The following USP43 variants were observed in gnomAD, a reference collection of about 807,000 sequenced individuals.
USP43 encodes ubiquitin specific peptidase 43.
USP43 carries 33 observed loss-of-function variants against 90.7 expected under a neutral mutation model. The ratio of observed to expected loss-of-function variants is 0.36; its 90% confidence interval spans 0.28 to 0.49. The LOEUF (loss-of-function observed/expected upper bound fraction) is 0.49, where lower values mean the gene tolerates loss of function less well. Among genes scored for constraint, USP43 ranks in the 20% least tolerant of loss-of-function variants. The probability of loss-of-function intolerance (pLI) is 0.98; values close to 1 mark genes in which losing one functional copy is unlikely to be tolerated. For missense variants in USP43, 1,274 were observed against 1,476.4 expected (o/e 0.86, Z 2.25); for synonymous variants, 598 against 615.8 (o/e 0.97, Z 0.43).
intron 14 of USP43, among the ~76,000 whole-genome samples, chr17:9,727,721 T>G (rs928387856): frequency 6.6e-6 from 1 of 152,174 alleles, no homozygotes; most frequent in African/African-American, 2.4e-5. Context: ...TGTAGATACC[T>G]TCTTTGGCAC....
chr17:9,667,348 C>T (rs983251330), intron 3 of USP43, among the ~76,000 whole-genome samples: 2 of 151,224 alleles, frequency 1.3e-5, no homozygotes, highest in African/African-American at 4.9e-5. Context: ...GCCGTGATCG[C>T]ACCACTGTAC....
intron 12 of USP43, among the ~76,000 whole-genome samples, chr17:9,707,009 T>C: frequency 6.6e-6 from 1 of 152,128 alleles, no homozygotes; most frequent in East Asian, 1.9e-4. Context: ...CAACAATTGG[T>C]AACTTTCAAG....
rs372472057 is a variant in USP43, at chr17:9,700,336, G to A, written c.1535+87G>A. ...CCCTGGACGCAGCTTCCCCCAGCACGGCTGCAGGCAGGGTGCACACATCTT... is the reference window on the plus strand; with the variant it reads ...CCCTGGACGCAGCTTCCCCCAGCACAGCTGCAGGCAGGGTGCACACATCTT... On this transcript the variant is annotated intron_variant, in intron 10 of 14. Coordinates refer to ENST00000285199, the MANE Select transcript of USP43 (RefSeq NM_153210.5). The A allele has an allele frequency of 6.8e-6, 9 of 1,328,474 alleles. No homozygotes were observed. In the East Asian group the frequency reaches 7.6e-5, roughly 11 times the overall value. The allele number at this position is 1,328,474 out of a possible 1,614,324, so 82.3% of individuals were successfully genotyped here.
chr17:9,690,924 GTTT>G (rs1914906669), intron 8 of USP43, among the ~76,000 whole-genome samples: 1 of 152,014 alleles, frequency 6.6e-6, no homozygotes, highest in Non-Finnish European at 1.5e-5. Flanking sequence ...ACAATTCCAC[GTTT>G]TCTCCTCTGC....
In USP43 at chr17:9,709,783, G is replaced by A. The variant is rs1916082547; in HGVS notation, c.2012-173G>A. ...CACTTGTTATAGTAAGAATCCGAGG[G>A]TATAACTTACTGATCTTTTCTGATT... On this transcript the variant is annotated intron_variant, in intron 12 of 14. Coordinates refer to ENST00000285199, the MANE Select transcript of USP43 (RefSeq NM_153210.5). The surrounding 1 kb of genome is among the most constrained non-coding windows in gnomAD (Gnocchi z 5.0). 1.3e-5 allele frequency among the ~76,000 whole-genome samples: 2 copies of A among 152,022 alleles called. No homozygotes were observed. The highest frequency in any genetic ancestry group is 1.3e-4 in the Admixed American group (2 of 15,244).
intron 2 of USP43, among the ~76,000 whole-genome samples, chr17:9,664,603 T>G (rs1238506723): frequency 1.3e-5 from 2 of 152,068 alleles, no homozygotes; most frequent in African/African-American, 2.4e-5. Flanking sequence ...GAGGTGCTGC[T>G]CTAGGGCATA....
chr17:9,655,286 G>T (rs1478921135), intron 1 of USP43, among the ~76,000 whole-genome samples: 2 of 152,110 alleles, frequency 1.3e-5, no homozygotes, highest in Non-Finnish European at 2.9e-5. Context: ...GTGTGCATGT[G>T]CATGTGTGGA....
intron 9 of USP43, among the ~76,000 whole-genome samples, chr17:9,699,754 C>T (rs971522832): frequency 6.6e-6 from 1 of 152,122 alleles, no homozygotes; most frequent in Admixed American, 6.5e-5. Flanking sequence ...TGGAGGGGGG[C>T]TTAAAGGTGC....
At chr17:9,657,518 A>G (rs1461782502) in intron 2 of USP43, among the ~76,000 whole-genome samples, 2 of 152,086 alleles carry the variant, frequency 1.3e-5, no homozygotes, top group African/African-American at 4.8e-5. Context: ...AAGAAAAGAA[A>G]AAAAAGGAGA....
chr17:9,657,282 A>G (rs1204115495), intron 2 of USP43, among the ~76,000 whole-genome samples: 1 of 152,196 alleles, frequency 6.6e-6, no homozygotes, highest in African/African-American at 2.4e-5. Flanking sequence ...TGAGGCAGGT[A>G]GATCACTTGA....
intron 13 of USP43, among the ~76,000 whole-genome samples, chr17:9,711,699 G>A (rs1364599742): frequency 1.3e-5 from 2 of 152,148 alleles, no homozygotes; most frequent in Non-Finnish European, 2.9e-5. Flanking sequence ...CGTAAGTGCT[G>A]GCATTACAGG....
chr17:9,665,545 A>T (rs2151967738), intron 2 of USP43, among the ~76,000 whole-genome samples: 1 of 152,294 alleles, frequency 6.6e-6, no homozygotes, highest in East Asian at 1.9e-4. Flanking sequence ...AACCGCCCCC[A>T]TGATCCAATC....
At chr17:9,718,380 A>T (rs1308757614) in intron 14 of USP43, among the ~76,000 whole-genome samples, 1 of 152,204 alleles carries the variant, frequency 6.6e-6, no homozygotes, top group Admixed American at 6.5e-5. Context: ...TCTTAAAGCT[A>T]CAAGTGGTTT....
chr17:9,646,730 G>A (rs1212467525), intron 1 of USP43, among the ~76,000 whole-genome samples: 2 of 152,148 alleles, frequency 1.3e-5, no homozygotes, highest in African/African-American at 4.8e-5. Context: ...AGGAGGCAAC[G>A]GTAAAGAGTT....
intron 14 of USP43, among the ~76,000 whole-genome samples, chr17:9,715,532 CTG>C (rs1210819690): frequency 6.6e-6 from 1 of 150,724 alleles, no homozygotes; most frequent in South Asian, 2.1e-4. Context: ...GTGTGTATGT[CTG>C]TGTGTGTGTC....
chr17:9,716,914 T>A (rs1916601242), intron 14 of USP43, among the ~76,000 whole-genome samples: 3 of 152,096 alleles, frequency 2.0e-5, no homozygotes, highest in Non-Finnish European at 2.9e-5. Context: ...GGTGGGAGGA[T>A]CACCTGAGGT....
In USP43 at chr17:9,645,671, G is replaced by A; in HGVS notation, c.39G>A (p.Pro13=). The change falls in exon 1 of 15, where the codon CCG becomes CCA. Residue 13 remains proline, a synonymous_variant. Coordinates refer to ENST00000285199, the MANE Select transcript of USP43 (RefSeq NM_153210.5). The surrounding 1 kb of genome is among the most constrained non-coding windows in gnomAD (Gnocchi z 6.8). ...LGPGDAAGGG[P]LAPRPRRRRS... is the part of the protein sequence containing the mutation. ...CCGGGGACGCGGCAGGAGGGGGACC[G>A]CTCGCGCCCCGGCCCCGCCGCCGCC... The A allele has an allele frequency of 7.9e-7, 1 of 1,273,062 alleles. No homozygotes were observed. Among genetic ancestry groups the A allele is most frequent in the Non-Finnish European group, 9.8e-7 (1 of 1,015,592 alleles). 78.9% of individuals were successfully genotyped at this position (1,273,062 alleles called of 1,614,324 possible).
At chr17:9,657,062 A>T (rs538004063) in intron 2 of USP43, among the ~76,000 whole-genome samples, 4 of 152,346 alleles carry the variant, frequency 2.6e-5, no homozygotes, top group African/African-American at 4.8e-5. Context: ...TCATAAGCAC[A>T]GCTAATTGAT....
chr17:9,676,949 C>A, intron 5 of USP43, 68 bp downstream of exon 5: 1 of 1,552,864 alleles, frequency 6.4e-7, no homozygotes, highest in African/African-American at 1.4e-5. Context: ...GCTGTCTAGG[C>A]TGTTTAGGCC....
Sources: gnomAD v4.1 joint callset for allele counts (sites outside exome capture counted in the v4.1 genomes callset) on GRCh38, gnomAD v4.1.1 for gene constraint, Gnocchi (gnomAD v3.1) non-coding constraint, MANE v1.5 for transcripts, NCBI Gene and HGNC (gene_info 2026-07-23, HGNC 2026-07-21) for gene names.